The following LRP4 variants were observed in gnomAD, a reference collection of about 807,000 sequenced individuals.
LRP4 encodes the protein LDL receptor related protein 4, also known as low-density lipoprotein receptor-related protein 4.
Under a neutral mutation model 220.3 loss-of-function variants are expected in LRP4, and 95 were observed. That is an observed-to-expected ratio of 0.43 (90% CI 0.37 to 0.51). The LOEUF (loss-of-function observed/expected upper bound fraction) is 0.51, where lower values mean the gene tolerates loss of function less well. Ranked by LOEUF, LRP4 falls within the 20% of genes least tolerant of loss-of-function variation. The probability of loss-of-function intolerance (pLI) is 0.00; values close to 1 mark genes in which losing one functional copy is unlikely to be tolerated. For missense variants in LRP4, 1,925 were observed against 2,567.0 expected, an observed-to-expected ratio of 0.75 and a Z score of 5.40; for synonymous variants, 903 against 954.6, an observed-to-expected ratio of 0.95 and a Z score of 1.00.
intron 22 of LRP4, among the ~76,000 whole-genome samples, chr11:46,877,717 C>T (rs1043794292): frequency 6.6e-6 from 1 of 152,130 alleles, no homozygotes; most frequent in Non-Finnish European, 1.5e-5. Context: ...CTCTGCCCAC[C>T]TCAGCCTCCT....
At chr11:46,900,148 G>A (rs1941636702) in intron 3 of LRP4, 114 bp downstream of exon 3, 1 of 998,516 alleles carries the variant, frequency 1.0e-6, no homozygotes, top group Non-Finnish European at 1.6e-6. Context: ...GAAAGGACAG[G>A]ACAAAGTGCT....
At chr11:46,895,326 C>T (rs1941503645) in intron 10 of LRP4, 35 bp from the exon 11 acceptor site, 2 of 1,608,056 alleles carry the variant, frequency 1.2e-6, no homozygotes, top group African/African-American at 1.3e-5. Flanking sequence ...GATCTCCCTT[C>T]TGTCGTCCTC....
At chr11:46,884,668 C>T (rs7941252) in intron 18 of LRP4, among the ~76,000 whole-genome samples, 88,908 of 144,842 alleles carry the variant, frequency 0.61, 29,962 homozygotes, top group Non-Finnish European at 0.76. Flanking sequence ...ACCTGGGAGG[C>T]GGAGCTTGCA....
At chr11:46,904,601 A>G (rs1168240603) in intron 1 of LRP4, among the ~76,000 whole-genome samples, 1 of 152,150 alleles carries the variant, frequency 6.6e-6, no homozygotes, top group Non-Finnish European at 1.5e-5. Context: ...AAGGGATCAC[A>G]GCTTTCACCA....
At position 46,890,046 on chromosome 11, in the gene LRP4, T is replaced by C. The variant is rs1190494235; in HGVS notation, c.1990A>G (p.Asn664Asp). 1.9e-6 allele frequency: 3 copies of C among 1,614,116 alleles called. No homozygotes were observed. The highest frequency in any genetic ancestry group is 2.5e-6 in the Non-Finnish European group (3 of 1,180,020). The change falls in exon 15 of 38, where the codon AAT becomes GAT. Residue 664 changes from asparagine to aspartate, a missense_variant. Physicochemically the swap from Asn to Asp is conservative, Grantham distance 23 (BLOSUM62 1). This residue lies in a region of LRP4 where 269 missense variants were observed against 436.7 expected (regional missense o/e 0.62). Coordinates refer to ENST00000378623, the MANE Select transcript of LRP4 (RefSeq NM_002334.4). The surrounding 1 kb of genome is among the most constrained non-coding windows in gnomAD (Gnocchi z 5.3). ...TTCCCCGTAAATTTGTTAGCGCTAT[T>C]GATGCTCTTGGTGTGCCAGTCTGTC... The part of the protein sequence containing the change: ...YWTDWHTKSI[N>D]SANKFTGKNQ...
chr11:46,914,454 G>A (rs892563783), intron 1 of LRP4, among the ~76,000 whole-genome samples: 40 of 152,250 alleles, frequency 2.6e-4, no homozygotes, highest in African/African-American at 8.7e-4. Context: ...CCAGCTCTAA[G>A]CTGGAGTGAG....
chr11:46,897,663 CAT>C (rs1304009115), intron 7 of LRP4, among the ~76,000 whole-genome samples: 2 of 151,528 alleles, frequency 1.3e-5, no homozygotes, highest in African/African-American at 4.9e-5. Context: ...GGACACAGCA[CAT>C]GTTTCAGAGA....
chr11:46,875,603 G>A lies in LRP4; in HGVS notation c.3778C>T (p.Leu1260=). 6.2e-7 allele frequency: 1 copy of A among 1,614,186 alleles called. No individual in the cohort carries two copies. Among genetic ancestry groups the A allele is most frequent in the Non-Finnish European group, 8.5e-7 (1 of 1,180,024 alleles). ...SPVQHPYGLT[L]LDSYIYWTDW... The stretch of plus-strand genomic sequence containing the variant: ...GTCCAGTAGATATAGGAGTCGAGCA[G>A]GGTGAGGCCATATGGGTGCTGCACC... The change falls in exon 27 of 38, where the codon CTG becomes TTG. Residue 1260 remains leucine, a synonymous_variant. Transcript: ENST00000378623. This position sits in a 1 kb window ranked among gnomAD's most constrained non-coding sequence, Gnocchi z 4.5.
chr11:46,889,433 G>C lies in LRP4; in HGVS notation c.2193C>G (p.Ile731Met), dbSNP rs1941371439. The C allele has an allele frequency of 1.2e-6, 2 of 1,614,124 alleles. No homozygotes were observed. Among genetic ancestry groups the C allele is most frequent in the East Asian group, 4.5e-5 (2 of 44,878 alleles). Residue 731 changes from isoleucine (I) to methionine (M), a missense_variant, in exon 16 of 38, where the codon ATC becomes ATG. Physicochemically the swap from Ile to Met is conservative, Grantham distance 10. Transcript: ENST00000378623. ...TACTCTGGGCACAGGCGTGGCTGCTGATCTTGCGGAAGCCAGTGGGGCAGG... is the reference window on the plus strand; with the variant it reads ...TACTCTGGGCACAGGCGTGGCTGCTCATCTTGCGGAAGCCAGTGGGGCAGG... ...TCACPTGFRK[I>M]SSHACAQSLD...
In LRP4 at chr11:46,902,696, G is replaced by A. The variant is rs1369022095; in HGVS notation, c.199+87C>T. The A allele has an allele frequency of 2.3e-5, 35 of 1,490,900 alleles. No individual in the cohort carries two copies. The South Asian group carries it at 3.0e-4, about 13-fold the overall frequency. The allele number at this position is 1,490,900 out of a possible 1,614,324, so 92.4% of individuals were successfully genotyped here. ...ACTCTCTGAGTCCGACACAGTTGAT[G>A]CAGAAAATACTCCATCAGCCTTGTC... is the stretch of plus-strand genomic sequence containing the variant. On this transcript the variant is annotated intron_variant, in intron 2 of 37. Coordinates refer to ENST00000378623, the MANE Select transcript of LRP4 (RefSeq NM_002334.4).
At chr11:46,888,629 G>A (rs1019237553) in intron 16 of LRP4, among the ~76,000 whole-genome samples, 77 of 144,690 alleles carry the variant, frequency 5.3e-4, no homozygotes, top group African/African-American at 1.8e-3. Context: ...ATATGTGTAT[G>A]AATGAAACTT....
rs202151304 is a variant in LRP4 at position 46,874,881 on chromosome 11, T to G, written c.4148A>C (p.Glu1383Ala). The part of the protein sequence containing the change: ...DHTDVHVPVP[E>A]LNNVISLDYD... ...GTCCAGGGAGATGACATTGTTGAGCTCAGGAACAGGGACATGCACATCGGT... is the reference window on the plus strand; with the variant it reads ...GTCCAGGGAGATGACATTGTTGAGCGCAGGAACAGGGACATGCACATCGGT... Residue 1383 changes from glutamate to alanine, a missense_variant, in exon 28 of 38, where the codon GAG becomes GCG. Glu to Ala is a moderately radical substitution (Grantham distance 107, BLOSUM62 -1). Coordinates refer to ENST00000378623, the MANE Select transcript of LRP4 (RefSeq NM_002334.4). 44 of 1,614,080 alleles carry G rather than the reference T, an allele frequency of 2.7e-5. No individual in the cohort carries two copies. The Middle Eastern group carries it at 8.2e-4, about 30-fold the overall frequency.
At chr11:46,880,886 G>A (rs1941138807) in intron 20 of LRP4, among the ~76,000 whole-genome samples, 1 of 151,340 alleles carries the variant, frequency 6.6e-6, no homozygotes, top group South Asian at 2.1e-4. Flanking sequence ...GACTAGCCTG[G>A]GTAATACAGG....
chr11:46,909,175 G>A (rs948109616), intron 1 of LRP4, among the ~76,000 whole-genome samples: 4 of 152,042 alleles, frequency 2.6e-5, no homozygotes, highest in African/African-American at 7.2e-5. Flanking sequence ...GAGGCACATG[G>A]GTAGACCGTG....
At chr11:46,867,672 G>C (rs1418479564) in intron 34 of LRP4, among the ~76,000 whole-genome samples, 3 of 152,130 alleles carry the variant, frequency 2.0e-5, no homozygotes, top group Non-Finnish European at 2.9e-5. Flanking sequence ...TGTTGGGCAG[G>C]CTGGTCTCCA....
At chr11:46,876,058 G>A in intron 25 of LRP4, 92 bp from the exon 26 acceptor site, 1 of 1,415,462 alleles carries the variant, frequency 7.1e-7, no homozygotes, top group South Asian at 1.2e-5. Context: ...ATACACTTGA[G>A]TACTTACAGT....
At chr11:46,865,406 T>C (rs943344996) in intron 34 of LRP4, among the ~76,000 whole-genome samples, 2 of 152,224 alleles carry the variant, frequency 1.3e-5, no homozygotes, top group East Asian at 1.9e-4. Context: ...AAGTGTGTTA[T>C]AAAATATGTA....
rs995601058 is a variant in LRP4 at position 46,871,686 on chromosome 11, G to C, written c.4584-53C>G. The stretch of plus-strand genomic sequence containing the variant: ...CTCCAAACGCTTGCCAGGGAGCCCA[G>C]CTCTTCCCCCTATGAACCTGTTTGT... On this transcript the variant is annotated intron_variant, in intron 30 of 37. Coordinates refer to ENST00000378623, the MANE Select transcript of LRP4 (RefSeq NM_002334.4). 1.3e-5 allele frequency: 16 copies of C among 1,218,618 alleles called. No homozygotes were observed. In the East Asian group the frequency reaches 2.8e-4, roughly 21 times the overall value. The allele number at this position is 1,218,618 out of a possible 1,614,324, so 75.5% of individuals were successfully genotyped here. A position where few individuals can be genotyped will look rare whatever the true frequency, so the allele number is the denominator to read the frequency against.
In LRP4 at chr11:46,902,920, C is replaced by T; in HGVS notation, c.62G>A (p.Ser21Asn). The T allele has an allele frequency of 1.2e-6, 2 of 1,614,016 alleles. No individual in the cohort carries two copies. The highest frequency in any genetic ancestry group is 1.7e-6 in the Non-Finnish European group (2 of 1,180,020). Residue 21 changes from serine (S) to asparagine (N), a missense_variant, in exon 2 of 38, where the codon AGC becomes AAC. Physicochemically the swap from Ser to Asn is conservative, Grantham distance 46. This residue lies in a region of LRP4 where 412 missense variants were observed against 505.4 expected (regional missense o/e 0.82). Coordinates refer to ENST00000378623, the MANE Select transcript of LRP4 (RefSeq NM_002334.4). ...GALLCAHGLA[S>N]SPECACGRSH... ...CCGACCACAAGCACACTCGGGGCTG[C>T]TGGCCAGGCCTGGGCGGAGGGAAAA...
Sources: gnomAD v4.1 joint callset for allele counts (sites outside exome capture counted in the v4.1 genomes callset) on GRCh38, gnomAD v4.1.1 for gene constraint, gnomAD v4.1.1 regional missense constraint, Gnocchi (gnomAD v3.1) non-coding constraint, MANE v1.5 for transcripts, NCBI Gene and HGNC (gene_info 2026-07-23, HGNC 2026-07-21) for gene names.